POU6F2: variants seen among roughly 807,000 people sequenced by gnomAD.
The protein encoded by POU6F2 is POU class 6 homeobox 2, also known as POU domain, class 6, transcription factor 2.
Under a neutral mutation model 71.3 loss-of-function variants are expected in POU6F2, and 31 were observed. The ratio of observed to expected loss-of-function variants is 0.43; its 90% CI spans 0.33 to 0.59. The LOEUF is 0.59. POU6F2 is among the 20% of genes least tolerant of loss of function. POU6F2 has a pLI of 0.04. For synonymous variants in POU6F2, 347 were observed against 355.7 expected, an observed-to-expected ratio of 0.98 and a Z score of 0.27; for missense variants, 783 against 856.8, an observed-to-expected ratio of 0.91 and a Z score of 1.07.
At position 39,179,880 on chromosome 7, in the gene POU6F2, C is replaced by G. The variant is rs759320153; in HGVS notation, c.278-24355C>G. 2.6e-5 allele frequency among the ~76,000 whole-genome samples: 4 copies of G among 152,324 alleles called. No individual in the cohort carries two copies. In the South Asian group the frequency reaches 8.3e-4, roughly 32 times the overall value. On this transcript the variant is annotated intron_variant, in intron 2 of 9. Transcript: ENST00000518318. The stretch of plus-strand genomic sequence containing the variant: ...CCCACCACTTAAGCACGTTGTATTT[C>G]ATTTCTCCCATCTTCCAAATGGGGA...
chr7:39,121,674 A>G (rs1483220463), intron 2 of POU6F2, among the ~76,000 whole-genome samples: 1 of 152,182 alleles, frequency 6.6e-6, no homozygotes, highest in Admixed American at 6.5e-5. Flanking sequence ...AACTTAGTGT[A>G]TATGAGGCCA....
intron 4 of POU6F2, among the ~76,000 whole-genome samples, chr7:39,259,156 TA>T (rs780146508): frequency 0.87 from 132,270 of 151,610 alleles, 57,745 homozygotes; most frequent in Admixed American, 0.89. Context: ...AGACTATAGA[TA>T]TTAAGAGCCC....
intron 4 of POU6F2, among the ~76,000 whole-genome samples, chr7:39,300,947 G>A (rs1784939016): frequency 1.3e-5 from 2 of 152,130 alleles, no homozygotes; most frequent in South Asian, 4.1e-4. Context: ...TACCACTTTT[G>A]CAAAGTTATT....
chr7:39,020,625 A>G (rs764041665), intron 1 of POU6F2, among the ~76,000 whole-genome samples: 10 of 152,128 alleles, frequency 6.6e-5, no homozygotes, highest in Non-Finnish European at 1.2e-4. Flanking sequence ...CAATAAATCA[A>G]ACTCCTTAAT....
At chr7:39,384,112 C>G (rs948698021) in intron 5 of POU6F2, among the ~76,000 whole-genome samples, 2 of 152,154 alleles carry the variant, frequency 1.3e-5, no homozygotes, top group African/African-American at 4.8e-5. Flanking sequence ...AAGCACTGCC[C>G]AGTTAGAGGT....
intron 2 of POU6F2, among the ~76,000 whole-genome samples, chr7:39,124,368 A>G (rs925623523): frequency 6.6e-5 from 10 of 152,090 alleles, no homozygotes; most frequent in African/African-American, 2.4e-4. Flanking sequence ...ATCTGTGCAC[A>G]TTTTCAGAGA....
chr7:39,314,728 T>G (rs555776369), intron 4 of POU6F2, among the ~76,000 whole-genome samples: 3 of 152,178 alleles, frequency 2.0e-5, no homozygotes, highest in Non-Finnish European at 4.4e-5. Flanking sequence ...TTAATCACAC[T>G]TTGATTCTAA....
chr7:39,027,491 C>T lies in POU6F2; in HGVS notation c.105+49433C>T, dbSNP rs192541415. Among the ~76,000 whole-genome samples, 3 of 152,318 alleles carry T rather than the reference C, an allele frequency of 2.0e-5. No homozygotes were observed. The East Asian group carries it at 5.8e-4, about 29-fold the overall frequency. The stretch of plus-strand genomic sequence containing the variant: ...ACTGTGGTATGTCCTCAGGGATCTC[C>T]ATGGAAAGGGAGGAAGGGCTGTTCC... On this transcript the variant is annotated intron_variant, in intron 1 of 9. Coordinates refer to ENST00000518318, the MANE Select transcript of POU6F2 (RefSeq NM_001370959.1).
intron 5 of POU6F2, among the ~76,000 whole-genome samples, chr7:39,357,435 C>G (rs1786284500): frequency 6.6e-6 from 1 of 152,148 alleles, no homozygotes; most frequent in African/African-American, 2.4e-5. Flanking sequence ...ATCAAAAGTC[C>G]CACAGTTTGT....
chr7:39,104,055 A>C (rs1791626834), intron 2 of POU6F2, among the ~76,000 whole-genome samples: 1 of 152,218 alleles, frequency 6.6e-6, no homozygotes, highest in South Asian at 2.1e-4. Context: ...GCTAGAGCAA[A>C]ACTAGATAGG....
chr7:39,158,525 A>G (rs1792921485), intron 2 of POU6F2, among the ~76,000 whole-genome samples: 2 of 152,130 alleles, frequency 1.3e-5, no homozygotes, highest in African/African-American at 2.4e-5. Context: ...GATAACCAGG[A>G]AGGTCAGTGG....
At chr7:39,402,649 G>A (rs1340950963) in intron 5 of POU6F2, among the ~76,000 whole-genome samples, 4 of 152,132 alleles carry the variant, frequency 2.6e-5, no homozygotes, top group Non-Finnish European at 5.9e-5. Flanking sequence ...TTTCTCTACA[G>A]ATGAGCTAAT....
intron 5 of POU6F2, chr7:39,373,428 G>A (rs1445562486): frequency 2.2e-6 from 1 of 456,670 alleles, no homozygotes; most frequent in South Asian, 1.5e-5. Flanking sequence ...TCATGTTCCT[G>A]TTCTGTAGCC....
intron 1 of POU6F2, among the ~76,000 whole-genome samples, chr7:39,003,005 C>G (rs1349319209): frequency 6.6e-6 from 1 of 152,160 alleles, no homozygotes; most frequent in Non-Finnish European, 1.5e-5. Context: ...TGTGGAAAGC[C>G]AACACAATTT....
chr7:39,332,847 G>T (rs1466038571), intron 4 of POU6F2, among the ~76,000 whole-genome samples: 1 of 152,200 alleles, frequency 6.6e-6, no homozygotes, highest in Non-Finnish European at 1.5e-5. Context: ...AAAAGCAATG[G>T]AGAGCTCAGT....
intron 4 of POU6F2, among the ~76,000 whole-genome samples, chr7:39,310,319 A>G (rs1785138542): frequency 6.6e-6 from 1 of 152,260 alleles, no homozygotes. Context: ...CACTTAGGAA[A>G]TAACAGCTTT....
At chr7:39,282,073 G>A (rs1784572903) in intron 4 of POU6F2, among the ~76,000 whole-genome samples, 1 of 151,920 alleles carries the variant, frequency 6.6e-6, no homozygotes, top group African/African-American at 2.4e-5. Context: ...TATACAGGTT[G>A]GCCATTTGTA....
intron 5 of POU6F2, among the ~76,000 whole-genome samples, chr7:39,360,143 G>C (rs1239012144): frequency 6.6e-6 from 1 of 152,208 alleles, no homozygotes; most frequent in Non-Finnish European, 1.5e-5. Flanking sequence ...CAACAGGGTA[G>C]TTAACATCCT....
At chr7:39,445,426 G>A (rs1436833393) in intron 7 of POU6F2, among the ~76,000 whole-genome samples, 7 of 152,108 alleles carry the variant, frequency 4.6e-5, no homozygotes, top group East Asian at 1.9e-4. Context: ...TGCCAAGTTC[G>A]GCTGATGCAG....
Sources: gnomAD v4.1 joint callset for allele counts (sites outside exome capture counted in the v4.1 genomes callset) on GRCh38, gnomAD v4.1.1 for gene constraint, MANE v1.5 for transcripts, NCBI Gene and HGNC (gene_info 2026-07-23, HGNC 2026-07-21) for gene names.